Variants in SYCP2 observed in about 807,000 individuals in gnomAD.
SYCP2 encodes synaptonemal complex lateral element protein.
In SYCP2, 55 loss-of-function variants were observed where a neutral mutation model predicts 211.3. The ratio of observed to expected loss-of-function variants is 0.26; its 90% confidence interval spans 0.21 to 0.33. SYCP2 has a LOEUF of 0.33. Ranked by LOEUF, SYCP2 falls within the 10% of genes least tolerant of loss-of-function variation. The pLI is 1.00. For synonymous variants in SYCP2, 570 were observed against 555.2 expected (o/e 1.03, Z -0.37); for missense variants, 1,731 against 1,752.0 (o/e 0.99, Z 0.21).
At chr20:59,921,510 T>C (rs375753368) in intron 3 of SYCP2, 57 bp from the exon 4 acceptor site, 28 of 1,288,794 alleles carry the variant, frequency 2.2e-5, no homozygotes, top group African/African-American at 6.1e-5. Flanking sequence ...AATTACCTTA[T>C]GCAATCTAGT....
Position 59,892,005 on chromosome 20 carries a change from C to G in SYCP2, c.2349G>C (p.Ser783=). The G allele has an allele frequency of 7.0e-6, 11 of 1,573,256 alleles. No homozygotes were observed. The highest frequency in any genetic ancestry group is 9.4e-6 in the Non-Finnish European group (11 of 1,165,088). ...ELTSELNSWD[S]KQKKMREKSK... Reference sequence around the variant, plus strand: ...GAAAGCTCACCATTTTTTTTTGTTTCGAATCCCAGGAATTAAGCTCAGAAG... The same window carrying G: ...GAAAGCTCACCATTTTTTTTTGTTTGGAATCCCAGGAATTAAGCTCAGAAG... The change falls in exon 24 of 45, where the codon TCG becomes TCC. Residue 783 remains serine (S), a synonymous_variant. Transcript: ENST00000357552.
At chr20:59,875,174 A>C in intron 34 of SYCP2, 97 bp downstream of exon 34, 2 of 721,224 alleles carry the variant, frequency 2.8e-6, no homozygotes, top group South Asian at 2.3e-5. Context: ...AATTATAAAT[A>C]CCCCTCAAAA....
chr20:59,869,348 A>G (rs980779272), intron 36 of SYCP2, among the ~76,000 whole-genome samples: 4 of 151,800 alleles, frequency 2.6e-5, no homozygotes, highest in Non-Finnish European at 5.9e-5. Flanking sequence ...CACTTAATCT[A>G]CATATACCTA....
chr20:59,892,577 A>T lies in SYCP2; in HGVS notation c.1918T>A (p.Leu640Met), dbSNP rs777032008. The change falls in exon 23 of 45, where the codon TTG becomes ATG. Residue 640 changes from leucine (L) to methionine (M), a missense_variant. Transcript: ENST00000357552. ...TAAAACTAAGTTTCACCTTGATTCAATGTGTCTCCTGACGAAGTACTTGCT... is the reference window on the plus strand; with the variant it reads ...TAAAACTAAGTTTCACCTTGATTCATTGTGTCTCCTGACGAAGTACTTGCT... ...QRASTSSGDT[L>M]NQDIVINKKL... is the part of the protein sequence containing the mutation. 1.6e-5 allele frequency: 26 copies of T among 1,604,470 alleles called. No individual in the cohort carries two copies. The highest frequency in any genetic ancestry group is 2.0e-5 in the Non-Finnish European group (24 of 1,176,604).
chr20:59,896,344 G>T, intron 19 of SYCP2, 85 bp downstream of exon 19: 1 of 702,852 alleles, frequency 1.4e-6, no homozygotes, highest in Non-Finnish European at 2.4e-6. Flanking sequence ...TATCCTTTAT[G>T]TAAATTATGT....
At position 59,900,289 on chromosome 20, in the gene SYCP2, T is replaced by G; in HGVS notation, c.1258-5A>C. Reference sequence around the variant, plus strand: ...TTGACTTTCTGGCACTAGAATCTGTTGGAGAATATGAAAAAAAAAGTATTT... The same window carrying G: ...TTGACTTTCTGGCACTAGAATCTGTGGGAGAATATGAAAAAAAAAGTATTT... On this transcript the variant is annotated splice_region_variant and splice_polypyrimidine_tract_variant and intron_variant, in intron 17 of 44. Transcript: ENST00000357552. The G allele has an allele frequency of 6.3e-7, 1 of 1,579,300 alleles. No homozygotes were observed. The highest frequency in any genetic ancestry group is 2.2e-5 in the East Asian group (1 of 44,588).
chr20:59,913,342 C>T (rs1419474564), intron 12 of SYCP2, among the ~76,000 whole-genome samples: 1 of 152,046 alleles, frequency 6.6e-6, no homozygotes, highest in Non-Finnish European at 1.5e-5. Flanking sequence ...AATATGACTC[C>T]TTGCACAACC....
chr20:59,912,794 C>T (rs1438696782), intron 12 of SYCP2, among the ~76,000 whole-genome samples: 1 of 152,152 alleles, frequency 6.6e-6, no homozygotes, highest in Non-Finnish European at 1.5e-5. Flanking sequence ...GCAGTTTCTC[C>T]CACACTGTTC....
At chr20:59,899,560 G>A (rs549156301) in intron 18 of SYCP2, among the ~76,000 whole-genome samples, 7 of 152,286 alleles carry the variant, frequency 4.6e-5, no homozygotes, top group South Asian at 2.1e-4. Flanking sequence ...CAAGAGGTAT[G>A]GAGAGAAAGT....
At chr20:59,909,133 C>T (rs912888566) in intron 14 of SYCP2, among the ~76,000 whole-genome samples, 4 of 152,136 alleles carry the variant, frequency 2.6e-5, no homozygotes, top group African/African-American at 9.7e-5. Context: ...TTGGCCGATT[C>T]TTCAAGTATC....
chr20:59,893,682 C>T, intron 20 of SYCP2, 89 bp from the exon 21 acceptor site: 1 of 855,326 alleles, frequency 1.2e-6, no homozygotes, highest in Non-Finnish European at 1.8e-6. Flanking sequence ...TCTTTTAAAA[C>T]AAATCTGCCT....
intron 8 of SYCP2, 146 bp downstream of exon 8, chr20:59,916,340 G>A: frequency 1.7e-6 from 1 of 588,424 alleles, no homozygotes; most frequent in South Asian, 2.1e-5. Flanking sequence ...AAGTATTTCG[G>A]AAATATGTCA....
At chr20:59,873,376 T>C (rs1306518997) in intron 35 of SYCP2, among the ~76,000 whole-genome samples, 1 of 152,170 alleles carries the variant, frequency 6.6e-6, no homozygotes, top group Non-Finnish European at 1.5e-5. Flanking sequence ...AGATGGCTAC[T>C]ATGTGACTAA....
rs191753972 is a variant in SYCP2, at chr20:59,919,235, A to C, written c.403-53T>G. The C allele has an allele frequency of 1.2e-5, 11 of 902,824 alleles. No individual in the cohort carries two copies. In the East Asian group the frequency reaches 2.9e-4, roughly 24 times the overall value. 55.9% of individuals were successfully genotyped at this position (902,824 alleles called of 1,614,324 possible). ...TACAAGTTACTATATATTACAAACC[A>C]TTACAATATTATAAACCATTACAAA... On this transcript the variant is annotated intron_variant, in intron 6 of 44. Transcript: ENST00000357552.
At chr20:59,875,102 C>G (rs2059529963) in intron 34 of SYCP2, among the ~76,000 whole-genome samples, 169 bp downstream of exon 34, 1 of 151,912 alleles carries the variant, frequency 6.6e-6, no homozygotes. Context: ...GCATTGTTCC[C>G]ATGTTATCAA....
chr20:59,905,392 T>G (rs2060195129), intron 15 of SYCP2, among the ~76,000 whole-genome samples: 1 of 152,184 alleles, frequency 6.6e-6, no homozygotes, highest in African/African-American at 2.4e-5. Flanking sequence ...CAGAAACCAG[T>G]TGAAGTATAT....
intron 38 of SYCP2, 24 bp from the exon 39 acceptor site, chr20:59,867,871 G>T: frequency 6.4e-7 from 1 of 1,569,230 alleles, no homozygotes. Flanking sequence ...ACAATCTGCT[G>T]AAGTTAAAAT....
Position 59,865,408 on chromosome 20 carries a change from C to G in SYCP2, c.4495G>C (p.Asp1499His). The G allele has an allele frequency of 6.2e-7, 1 of 1,610,230 alleles. No homozygotes were observed. The highest frequency in any genetic ancestry group is 8.5e-7 in the Non-Finnish European group (1 of 1,178,154). Reference protein sequence around the residue: ...LMKEDMKVLQDRLLKDMLEEE... With the variant: ...LMKEDMKVLQHRLLKDMLEEE... ...CTTACCATGTCCTTAAGAAGCCTGTCTTGCAGCACTTTCATATCTTCTTTC... is the reference window on the plus strand; with the variant it reads ...CTTACCATGTCCTTAAGAAGCCTGTGTTGCAGCACTTTCATATCTTCTTTC... The change falls in exon 44 of 45, where the codon GAC (aspartate) becomes CAC (histidine). Residue 1499 changes from aspartate (D) to histidine (H), a missense_variant. Physicochemically the swap from Asp to His is moderately conservative, Grantham distance 81. This residue lies in a region of SYCP2 where 1,387 missense variants were observed against 1,351.3 expected (regional missense o/e 1.03). Coordinates refer to ENST00000357552, the MANE Select transcript of SYCP2 (RefSeq NM_014258.4).
Position 59,892,618 on chromosome 20 carries a change from A to C in SYCP2, c.1877T>G (p.Leu626Arg). The C allele has an allele frequency of 1.2e-6, 2 of 1,610,384 alleles. No individual in the cohort carries two copies. Among genetic ancestry groups the C allele is most frequent in the Non-Finnish European group, 1.7e-6 (2 of 1,178,096 alleles). The change falls in exon 23 of 45, where the codon CTA becomes CGA. Residue 626 changes from leucine (L) to arginine (R), a missense_variant. Transcript: ENST00000357552. ...AGTACTTGCTCTTTGGTTATTACAT[A>C]GTTCAATGTTTGTTACAGGTGTCCA... ...ACWTPVTNIE[L>R]CNNQRASTSS...
Sources: gnomAD v4.1 joint callset for allele counts (sites outside exome capture counted in the v4.1 genomes callset) on GRCh38, gnomAD v4.1.1 for gene constraint, gnomAD v4.1.1 regional missense constraint, MANE v1.5 for transcripts, NCBI Gene and HGNC (gene_info 2026-07-23, HGNC 2026-07-21) for gene names.